The following ST8SIA4 variants were observed in gnomAD, a reference collection of about 807,000 sequenced individuals.
The protein encoded by ST8SIA4 is CMP-N-acetylneuraminate-poly-alpha-2,8-sialyltransferase.
ST8SIA4 carries 15 observed loss-of-function variants against 33.9 expected under a neutral mutation model. The observed-to-expected ratio is 0.44, with a 90% confidence interval of 0.30 to 0.68. The LOEUF (loss-of-function observed/expected upper bound fraction) is 0.68. ST8SIA4 is among the 30% of genes least tolerant of loss of function. ST8SIA4 has a pLI of 0.10. For synonymous variants in ST8SIA4, 171 were observed against 151.2 expected, an observed-to-expected ratio of 1.13 and a Z score of -0.96; for missense variants, 321 against 428.0, an observed-to-expected ratio of 0.75 and a Z score of 2.21.
intron 2 of ST8SIA4, among the ~76,000 whole-genome samples, chr5:100,889,985 G>A (rs559616700): frequency 2.7e-4 from 41 of 151,902 alleles, no homozygotes; most frequent in African/African-American, 9.4e-4. Flanking sequence ...AAGAAAAAGA[G>A]GTAAACTTGA....
At chr5:100,901,677 G>T (rs1297720876) in intron 1 of ST8SIA4, among the ~76,000 whole-genome samples, 2 of 152,006 alleles carry the variant, frequency 1.3e-5, no homozygotes, top group African/African-American at 2.4e-5. Flanking sequence ...CTTCCAGTCC[G>T]CTTTGACTGT....
intron 3 of ST8SIA4, among the ~76,000 whole-genome samples, chr5:100,867,685 CT>C (rs1345092134): frequency 6.6e-6 from 1 of 151,948 alleles, no homozygotes; most frequent in East Asian, 1.9e-4. Context: ...AACAAAAAAA[CT>C]TAATACCATA....
At chr5:100,882,832 G>A (rs1156591285) in intron 3 of ST8SIA4, among the ~76,000 whole-genome samples, 1 of 152,244 alleles carries the variant, frequency 6.6e-6, no homozygotes, top group Non-Finnish European at 1.5e-5. Context: ...TGAGTGCACA[G>A]AACTCAAGAA....
At chr5:100,819,501 A>G (rs1750995459) in intron 4 of ST8SIA4, among the ~76,000 whole-genome samples, 1 of 152,346 alleles carries the variant, frequency 6.6e-6, no homozygotes, top group South Asian at 2.1e-4. Context: ...TATTACCATC[A>G]TGGCTGATTT....
chr5:100,876,002 TAG>T (rs1461015004), intron 3 of ST8SIA4, among the ~76,000 whole-genome samples: 1 of 152,110 alleles, frequency 6.6e-6, no homozygotes, highest in Non-Finnish European at 1.5e-5. Context: ...CTATTGATGT[TAG>T]AAGTGTAGCA....
chr5:100,868,931 G>T (rs531969554), intron 3 of ST8SIA4, among the ~76,000 whole-genome samples: 1 of 152,102 alleles, frequency 6.6e-6, no homozygotes, highest in South Asian at 2.1e-4. Context: ...TACTTGTATA[G>T]GGATTGACAT....
chr5:100,826,509 G>A (rs1751147583), intron 4 of ST8SIA4, among the ~76,000 whole-genome samples: 1 of 152,126 alleles, frequency 6.6e-6, no homozygotes, highest in Non-Finnish European at 1.5e-5. Flanking sequence ...AAAAATCACA[G>A]TGCAATGAAG....
intron 4 of ST8SIA4, among the ~76,000 whole-genome samples, chr5:100,828,229 C>T (rs1751181263): frequency 6.6e-6 from 1 of 152,152 alleles, no homozygotes; most frequent in Non-Finnish European, 1.5e-5. Context: ...CATAAACCAA[C>T]TACCGTGTAA....
chr5:100,887,149 G>A (rs928585404), intron 2 of ST8SIA4, among the ~76,000 whole-genome samples: 3 of 152,012 alleles, frequency 2.0e-5, no homozygotes, highest in African/African-American at 7.2e-5. Flanking sequence ...TAAAACTATA[G>A]CAATAGATGT....
At chr5:100,816,206 T>C (rs1205135939) in intron 4 of ST8SIA4, among the ~76,000 whole-genome samples, 2 of 152,212 alleles carry the variant, frequency 1.3e-5, no homozygotes, top group Non-Finnish European at 2.9e-5. Context: ...CTTTCCTTCC[T>C]TCAGGTTGTA....
At chr5:100,842,511 A>T (rs892889507) in intron 4 of ST8SIA4, among the ~76,000 whole-genome samples, 4 of 151,892 alleles carry the variant, frequency 2.6e-5, no homozygotes, top group African/African-American at 9.7e-5. Context: ...AACTGCCCAC[A>T]TCCCACCTCA....
intron 1 of ST8SIA4, among the ~76,000 whole-genome samples, chr5:100,897,918 G>A (rs1327637646): frequency 6.6e-6 from 1 of 152,138 alleles, no homozygotes; most frequent in Non-Finnish European, 1.5e-5. Context: ...TATTCATAAT[G>A]ATAATAGCTA....
intron 3 of ST8SIA4, among the ~76,000 whole-genome samples, chr5:100,867,681 A>C (rs1446780978): frequency 2.0e-5 from 3 of 152,032 alleles, no homozygotes; most frequent in Admixed American, 2.0e-4. Flanking sequence ...AATAAACAAA[A>C]AAACTTAATA....
intron 4 of ST8SIA4, among the ~76,000 whole-genome samples, chr5:100,815,122 A>G (rs1266802719): frequency 6.6e-6 from 1 of 151,922 alleles, no homozygotes; most frequent in Non-Finnish European, 1.5e-5. Flanking sequence ...TTTACATTCA[A>G]ACAATAATTT....
chr5:100,886,276 A>G, intron 3 of ST8SIA4, 67 bp downstream of exon 3: 1 of 1,556,382 alleles, frequency 6.4e-7, no homozygotes, highest in Non-Finnish European at 8.7e-7. Context: ...ATTTTCTAAC[A>G]GTTTTCCACC....
intron 4 of ST8SIA4, among the ~76,000 whole-genome samples, chr5:100,817,430 A>G (rs892561064): frequency 7.9e-5 from 12 of 152,146 alleles, no homozygotes; most frequent in African/African-American, 2.7e-4. Context: ...TTGAGATTCC[A>G]TCATTCACAT....
chr5:100,898,751 T>C (rs1474834361), intron 1 of ST8SIA4, among the ~76,000 whole-genome samples: 1 of 152,188 alleles, frequency 6.6e-6, no homozygotes. Flanking sequence ...TTGAAGGATG[T>C]TGCCACCCCC....
intron 4 of ST8SIA4, among the ~76,000 whole-genome samples, chr5:100,827,246 C>G (rs1023083285): frequency 7.9e-5 from 12 of 152,130 alleles, no homozygotes; most frequent in Admixed American, 7.9e-4. Flanking sequence ...TAACTTAAAT[C>G]TACGTTGTGA....
intron 1 of ST8SIA4, among the ~76,000 whole-genome samples, chr5:100,901,563 A>C (rs1347043126): frequency 6.6e-6 from 1 of 152,146 alleles, no homozygotes; most frequent in Non-Finnish European, 1.5e-5. Flanking sequence ...TCTTGTGTAA[A>C]CGACCTCATA....
Sources: gnomAD v4.1 joint callset for allele counts (sites outside exome capture counted in the v4.1 genomes callset) on GRCh38, gnomAD v4.1.1 for gene constraint, MANE v1.5 for transcripts, NCBI Gene and HGNC (gene_info 2026-07-23, HGNC 2026-07-21) for gene names.